Variants in NRXN3 observed in about 807,000 individuals in gnomAD.
NRXN3 encodes the protein neurexin 3.
NRXN3 carries 32 observed loss-of-function variants against 137.6 expected under a neutral mutation model. The observed-to-expected ratio is 0.23, with a 90% CI of 0.18 to 0.31. The LOEUF is 0.31. NRXN3 is among the 10% of genes least tolerant of loss of function. NRXN3 has a pLI of 1.00. For missense variants in NRXN3, 1,574 were observed against 2,062.5 expected (o/e 0.76, Z 4.59); for synonymous variants, 798 against 784.5 (o/e 1.02, Z -0.29).
chr14:78,711,445 T>C (rs1451944918), intron 7 of NRXN3, among the ~76,000 whole-genome samples: 1 of 146,622 alleles, frequency 6.8e-6, no homozygotes, highest in Non-Finnish European at 1.5e-5. Flanking sequence ...TTTTTTTTTT[T>C]TTTTTTTTTT....
At chr14:78,784,075 A>C (rs911243597) in intron 8 of NRXN3, among the ~76,000 whole-genome samples, 5 of 151,800 alleles carry the variant, frequency 3.3e-5, no homozygotes, top group Non-Finnish European at 5.9e-5. Context: ...AAAAAAAAAA[A>C]AAAAAACAAC....
At chr14:79,328,754 C>A (rs1195683624) in intron 15 of NRXN3, among the ~76,000 whole-genome samples, 1 of 152,130 alleles carries the variant, frequency 6.6e-6, no homozygotes, top group Non-Finnish European at 1.5e-5. Flanking sequence ...GGAAACATTT[C>A]TTATTTCATA....
In NRXN3 at chr14:79,471,980, C is replaced by T. The variant is rs139147283; in HGVS notation, c.3444+4578C>T. ...TATCCATTAGTTATTTTTCTTGATC[C>T]TCTCCCTCCTCCCACCCTCCACCCT... On this transcript the variant is annotated intron_variant, in intron 16 of 20. Transcript: ENST00000335750. Among the ~76,000 whole-genome samples the T allele has an allele frequency of 8.8e-3, 1,345 of 152,110 alleles. 29 individuals carry two copies. The East Asian group carries it at 0.096, about 11-fold the overall frequency.
At chr14:79,211,050 T>C (rs1280817681) in intron 15 of NRXN3, among the ~76,000 whole-genome samples, 1 of 152,128 alleles carries the variant, frequency 6.6e-6, no homozygotes, top group Admixed American at 6.6e-5. Context: ...CAAAATAATA[T>C]TTTCATTTCT....
At chr14:78,882,466 C>G (rs963567455) in intron 10 of NRXN3, among the ~76,000 whole-genome samples, 1 of 151,828 alleles carries the variant, frequency 6.6e-6, no homozygotes, top group Non-Finnish European at 1.5e-5. Context: ...GAGCCCACCT[C>G]TTGCATCAGC....
chr14:78,529,967 G>A (rs1468678145), intron 4 of NRXN3, among the ~76,000 whole-genome samples: 1 of 152,190 alleles, frequency 6.6e-6, no homozygotes, highest in Non-Finnish European at 1.5e-5. Context: ...CAAATAGGAA[G>A]TCAATAATAC....
chr14:78,525,045 A>G (rs1327883007), intron 4 of NRXN3, among the ~76,000 whole-genome samples: 2 of 152,122 alleles, frequency 1.3e-5, no homozygotes, highest in Non-Finnish European at 1.5e-5. Flanking sequence ...TGACAATCCT[A>G]TGTTTGCTAG....
intron 4 of NRXN3, among the ~76,000 whole-genome samples, chr14:78,502,192 G>A (rs986094436): frequency 2.0e-5 from 3 of 152,118 alleles, no homozygotes; most frequent in African/African-American, 7.2e-5. Flanking sequence ...AGAGCCTCAT[G>A]GACAATCACG....
At chr14:78,739,308 A>G (rs1489775166) in intron 8 of NRXN3, among the ~76,000 whole-genome samples, 1 of 152,230 alleles carries the variant, frequency 6.6e-6, no homozygotes, top group Non-Finnish European at 1.5e-5. Context: ...TCCACCACAC[A>G]TAGCATGTTG....
intron 15 of NRXN3, among the ~76,000 whole-genome samples, chr14:79,364,833 A>G (rs1214905152): frequency 6.6e-6 from 1 of 152,148 alleles, no homozygotes; most frequent in Non-Finnish European, 1.5e-5. Context: ...AGCTATTCAT[A>G]ATGCAACTTG....
At chr14:78,269,863 T>C (rs2072434946) in intron 2 of NRXN3, among the ~76,000 whole-genome samples, 1 of 152,204 alleles carries the variant, frequency 6.6e-6, no homozygotes, top group Admixed American at 6.5e-5. Context: ...GTCGGAGTCT[T>C]TCCAGAGAGT....
rs59354957 is a variant in NRXN3, at chr14:78,577,992, G to A, written c.758-67128G>A. Among the ~76,000 whole-genome samples the A allele has an allele frequency of 4.5e-3, 686 of 151,976 alleles. 18 individuals carry two copies. The East Asian group carries it at 0.092, about 20-fold the overall frequency. The stretch of plus-strand genomic sequence containing the variant: ...TGCTCTGCTGATTGTGGGTTCACAG[G>A]GAAATAAAGAATGTTTTTTAAATGA... On this transcript the variant is annotated intron_variant, in intron 4 of 20. Coordinates refer to ENST00000335750, the MANE Select transcript of NRXN3 (RefSeq NM_001330195.2).
chr14:78,895,320 C>T (rs2099170279), intron 10 of NRXN3, among the ~76,000 whole-genome samples: 1 of 151,886 alleles, frequency 6.6e-6, no homozygotes, highest in Non-Finnish European at 1.5e-5. Context: ...TTACCTTGTG[C>T]TTTTATGTTA....
chr14:79,644,718 G>A (rs1337687422), intron 16 of NRXN3, among the ~76,000 whole-genome samples: 1 of 135,870 alleles, frequency 7.4e-6, no homozygotes, highest in Non-Finnish European at 1.7e-5. Flanking sequence ...AGAAACAGCC[G>A]TGTACATTTT....
intron 4 of NRXN3, chr14:78,526,849 G>T: frequency 2.1e-6 from 1 of 479,664 alleles, no homozygotes; most frequent in East Asian, 6.0e-5. Context: ...TATGCTTCCT[G>T]ATATCCAAGT....
At chr14:79,838,161 A>G (rs942553307) in intron 20 of NRXN3, among the ~76,000 whole-genome samples, 1 of 152,194 alleles carries the variant, frequency 6.6e-6, no homozygotes, top group African/African-American at 2.4e-5. Context: ...AATACTTAAA[A>G]GTCATAAAGT....
chr14:79,712,025 G>C (rs1195735165), intron 19 of NRXN3, among the ~76,000 whole-genome samples: 1 of 152,130 alleles, frequency 6.6e-6, no homozygotes, highest in Non-Finnish European at 1.5e-5. Context: ...TCCCAAACAC[G>C]ATACCGGGCC....
intron 15 of NRXN3, among the ~76,000 whole-genome samples, chr14:79,159,755 G>C (rs1213558288): frequency 2.0e-5 from 3 of 151,606 alleles, no homozygotes; most frequent in Non-Finnish European, 2.9e-5. Flanking sequence ...AATTTGTATT[G>C]CTCTGATAGG....
At chr14:78,553,684 T>C (rs1373725286) in intron 4 of NRXN3, among the ~76,000 whole-genome samples, 1 of 152,246 alleles carries the variant, frequency 6.6e-6, no homozygotes, top group Non-Finnish European at 1.5e-5. Context: ...GATCTGAGGC[T>C]AGAGCTGCTT....
Sources: gnomAD v4.1 joint callset for allele counts (sites outside exome capture counted in the v4.1 genomes callset) on GRCh38, gnomAD v4.1.1 for gene constraint, MANE v1.5 for transcripts, NCBI Gene and HGNC (gene_info 2026-07-23, HGNC 2026-07-21) for gene names.